The following SFMBT1 variants were observed in gnomAD, a reference collection of about 807,000 sequenced individuals.
SFMBT1 encodes Scm like with four mbt domains 1, also known as scm-like with four MBT domains protein 1.
In SFMBT1, 32 loss-of-function variants were observed where a neutral mutation model predicts 108.7. The observed-to-expected ratio is 0.29, with a 90% CI of 0.22 to 0.40. The LOEUF is 0.40. Ranked by LOEUF, SFMBT1 falls within the 10% of genes least tolerant of loss-of-function variation. The probability of loss-of-function intolerance (pLI) is 1.00; values close to 1 mark genes in which losing one functional copy is unlikely to be tolerated. For synonymous variants in SFMBT1, 348 were observed against 369.5 expected (o/e 0.94, Z 0.67); for missense variants, 816 against 1,059.6 (o/e 0.77, Z 3.19).
chr3:52,915,415 G>A (rs1304205202), intron 14 of SFMBT1, among the ~76,000 whole-genome samples: 1 of 152,238 alleles, frequency 6.6e-6, no homozygotes, highest in Non-Finnish European at 1.5e-5. Context: ...TGAAAAGGCA[G>A]TAGGTACAAG....
intron 2 of SFMBT1, among the ~76,000 whole-genome samples, chr3:52,968,884 C>T (rs953505080): frequency 4.6e-5 from 7 of 152,110 alleles, no homozygotes; most frequent in Admixed American, 1.3e-4. Context: ...TGAGCCACCG[C>T]GCCCGGCCTT....
In SFMBT1 at chr3:53,000,429, T is replaced by G. The variant is rs575461844; in HGVS notation, c.-130-31171A>C. On this transcript the variant is annotated intron_variant, in intron 1 of 20. Coordinates refer to ENST00000394752, the MANE Select transcript of SFMBT1 (RefSeq NM_016329.4). The stretch of plus-strand genomic sequence containing the variant: ...TTTTAAGTTTTAAAAGTGTGGTCAC[T>G]GTATTGTGATCACACAATTACATTA... Among the ~76,000 whole-genome samples, 7 of 150,254 alleles carry G rather than the reference T, an allele frequency of 4.7e-5. 1 individual carries two copies. Among genetic ancestry groups the G allele is most frequent in the Admixed American group, 3.4e-4 (5 of 14,856 alleles).
In SFMBT1 at chr3:53,045,572, G is replaced by C. The variant is rs1369820707; in HGVS notation, c.-131+244C>G. 4.2e-5 allele frequency among the ~76,000 whole-genome samples: 6 copies of C among 141,940 alleles called. 1 individual carries two copies. The South Asian group carries it at 6.4e-4, about 15-fold the overall frequency. The allele number at this position is 141,940 out of a possible 152,430, so 93.1% of individuals were successfully genotyped here. On this transcript the variant is annotated intron_variant, in intron 1 of 20. Transcript: ENST00000394752. ...GCGCCCCTGCAGCCGGCCGGCCGGC[G>C]CGCGGGACCGCGGGGCCGCGCGCGG...
chr3:53,002,792 A>T (rs1698603456), intron 1 of SFMBT1, among the ~76,000 whole-genome samples: 1 of 150,448 alleles, frequency 6.6e-6, no homozygotes, highest in African/African-American at 2.4e-5. Flanking sequence ...TATGATATTC[A>T]TTAACTTTCA....
chr3:52,945,314 T>C (rs905893943), intron 3 of SFMBT1, among the ~76,000 whole-genome samples: 1 of 151,718 alleles, frequency 6.6e-6, no homozygotes. Flanking sequence ...ACTGGCTACA[T>C]CTGGGACAAT....
intron 1 of SFMBT1, among the ~76,000 whole-genome samples, chr3:53,029,901 G>A (rs1409138001): frequency 6.6e-6 from 1 of 151,952 alleles, no homozygotes; most frequent in Non-Finnish European, 1.5e-5. Context: ...TGGCATCTTG[G>A]GGGCAGGGAG....
intron 1 of SFMBT1, among the ~76,000 whole-genome samples, chr3:53,017,830 A>G (rs777110201): frequency 4.6e-5 from 7 of 152,190 alleles, no homozygotes; most frequent in Non-Finnish European, 8.8e-5. Flanking sequence ...TTCCTTCTCT[A>G]TTTAAAAAAG....
At chr3:52,985,998 C>G (rs1704897329) in intron 1 of SFMBT1, among the ~76,000 whole-genome samples, 1 of 151,808 alleles carries the variant, frequency 6.6e-6, no homozygotes. Context: ...CAAAAATTAG[C>G]TCGGTGTGGT....
chr3:52,909,489 T>G (rs1175508720), intron 17 of SFMBT1, among the ~76,000 whole-genome samples: 2 of 152,194 alleles, frequency 1.3e-5, no homozygotes. Context: ...CTCGTCATAC[T>G]AAGTATGGAC....
At chr3:53,041,548 A>G (rs555896685) in intron 1 of SFMBT1, among the ~76,000 whole-genome samples, 1 of 152,250 alleles carries the variant, frequency 6.6e-6, no homozygotes, top group East Asian at 1.9e-4. Flanking sequence ...AAATACCAAA[A>G]TTAGCCAGGA....
chr3:52,924,949 A>C (rs1407605322), intron 10 of SFMBT1, among the ~76,000 whole-genome samples: 1 of 152,154 alleles, frequency 6.6e-6, no homozygotes, highest in African/African-American at 2.4e-5. Context: ...TGCCAGGTGC[A>C]GTGGCTCATA....
chr3:52,930,919 C>T, intron 7 of SFMBT1, 22 bp downstream of exon 7: 1 of 1,600,920 alleles, frequency 6.2e-7, no homozygotes, highest in Non-Finnish European at 8.6e-7. Flanking sequence ...CAATACCGGT[C>T]TATCACATGT....
intron 1 of SFMBT1, among the ~76,000 whole-genome samples, chr3:53,017,741 A>G (rs1699174348): frequency 6.6e-6 from 1 of 152,222 alleles, no homozygotes. Flanking sequence ...CTTCAAAAAA[A>G]GCAATATAAT....
chr3:52,980,254 T>G (rs1396173712), intron 1 of SFMBT1, among the ~76,000 whole-genome samples: 1 of 152,200 alleles, frequency 6.6e-6, no homozygotes, highest in Non-Finnish European at 1.5e-5. Flanking sequence ...TAGTACATAT[T>G]GCATCATTTG....
At chr3:52,945,521 G>C (rs1480038685) in intron 3 of SFMBT1, among the ~76,000 whole-genome samples, 4 of 151,552 alleles carry the variant, frequency 2.6e-5, no homozygotes, top group East Asian at 3.9e-4. Context: ...AATAAACATT[G>C]CAAGAGCCGG....
chr3:52,956,352 C>G (rs1381416072), intron 2 of SFMBT1, among the ~76,000 whole-genome samples: 1 of 152,152 alleles, frequency 6.6e-6, no homozygotes, highest in Non-Finnish European at 1.5e-5. Context: ...CCCAGCTACT[C>G]GGGAGGCTGA....
At chr3:52,912,469 T>C (rs1702239135) in intron 16 of SFMBT1, 69 bp downstream of exon 16, 21 of 1,367,810 alleles carry the variant, frequency 1.5e-5, no homozygotes, top group Non-Finnish European at 2.2e-5. Flanking sequence ...TGAGCCACTG[T>C]GCCACGCCGA....
At chr3:52,907,360 C>T (rs1225042800) in intron 18 of SFMBT1, 46 bp from the exon 19 acceptor site, 1 of 1,569,990 alleles carries the variant, frequency 6.4e-7, no homozygotes, top group Non-Finnish European at 8.6e-7. Flanking sequence ...GGACATCAAT[C>T]CCAGGTTTCA....
chr3:52,991,345 T>TTTTTTC (rs1705117829), intron 1 of SFMBT1, among the ~76,000 whole-genome samples: 1 of 142,904 alleles, frequency 7.0e-6, no homozygotes, highest in African/African-American at 2.6e-5. Context: ...GAAACTTCTT[T>TTTTTTC]TTTTTTTTTT....
Sources: allele counts gnomAD v4.1 joint callset (sites outside exome capture counted in the v4.1 genomes callset), GRCh38; gene constraint gnomAD v4.1.1; transcripts MANE v1.5; gene names NCBI Gene and HGNC (gene_info 2026-07-23, HGNC 2026-07-21).